PHKB: variants seen among roughly 807,000 people sequenced by gnomAD.
The protein encoded by PHKB is phosphorylase b kinase regulatory subunit beta.
A neutral mutation model predicts 152.1 loss-of-function variants in PHKB; 122 were observed. That is an observed-to-expected ratio of 0.80 (90% CI 0.69 to 0.93). PHKB has a LOEUF of 0.93. Ranked by LOEUF, PHKB falls within the 40% of genes least tolerant of loss-of-function variation. The probability of loss-of-function intolerance (pLI) is 0.00; values close to 1 mark genes in which losing one functional copy is unlikely to be tolerated. For missense variants in PHKB, 1,304 were observed against 1,328.4 expected, an observed-to-expected ratio of 0.98 and a Z score of 0.29; for synonymous variants, 436 against 464.9, an observed-to-expected ratio of 0.94 and a Z score of 0.80.
At position 47,573,889 on chromosome 16, in the gene PHKB, T is replaced by C. The variant is rs556887916; in HGVS notation, c.711-6406T>C. On this transcript the variant is annotated intron_variant, in intron 7 of 30. Transcript: ENST00000323584. ...TAGGATCAGCAATGGCTTCCCTCCA[T>C]CCCTGCTAGGGTGTGGGAGTGCACG... Among the ~76,000 whole-genome samples, 7 of 152,248 alleles carry C rather than the reference T, an allele frequency of 4.6e-5. No homozygotes were observed. In the South Asian group the frequency reaches 1.5e-3, roughly 32 times the overall value.
chr16:47,542,973 C>CTT (rs1188318282), intron 6 of PHKB, among the ~76,000 whole-genome samples: 4 of 152,128 alleles, frequency 2.6e-5, no homozygotes, highest in Non-Finnish European at 2.9e-5. Flanking sequence ...TCCTCTTTTC[C>CTT]TAATTGTATA....
intron 26 of PHKB, chr16:47,675,908 T>C (rs1181209347): frequency 2.0e-5 from 3 of 152,196 alleles, no homozygotes; most frequent in East Asian, 3.9e-4. Context: ...CAGATAACTG[T>C]CATCCTGTCT....
intron 26 of PHKB, among the ~76,000 whole-genome samples, chr16:47,677,874 T>C (rs1429135383): frequency 6.6e-6 from 1 of 151,110 alleles, no homozygotes; most frequent in Non-Finnish European, 1.5e-5. Flanking sequence ...ACCCATTAAC[T>C]CGTCATTTAG....
chr16:47,665,076 GA>G lies in PHKB; in HGVS notation c.2427+104del, dbSNP rs113209247. On this transcript the variant is annotated intron_variant, in intron 25 of 30. Coordinates refer to ENST00000323584, the MANE Select transcript of PHKB (RefSeq NM_000293.3). ...TCTTTTGGTCTTATAGTGTGTGGGTGAAAGCTTCTCTAGAAGTAGGAAGTGT... is the reference window on the plus strand; with the variant it reads ...TCTTTTGGTCTTATAGTGTGTGGGTGAAGCTTCTCTAGAAGTAGGAAGTGT... 5.4e-4 allele frequency: 411 copies of G among 764,424 alleles called. No individual in the cohort carries two copies. The African/African-American group carries it at 5.7e-3, about 11-fold the overall frequency. The allele number at this position is 764,424 out of a possible 1,614,324, so 47.4% of individuals were successfully genotyped here. A position where few individuals can be genotyped will look rare whatever the true frequency, so the allele number is the denominator to read the frequency against.
intron 14 of PHKB, among the ~76,000 whole-genome samples, chr16:47,615,670 C>G (rs1161002131): frequency 1.3e-5 from 2 of 152,252 alleles, no homozygotes; most frequent in Non-Finnish European, 2.9e-5. Context: ...GTGCTGAGGC[C>G]TCTGGCCAGT....
At chr16:47,475,699 A>G (rs954472181) in intron 1 of PHKB, among the ~76,000 whole-genome samples, 1 of 152,200 alleles carries the variant, frequency 6.6e-6, no homozygotes, top group East Asian at 1.9e-4. Context: ...ATTTAAAAAT[A>G]TGTCGTATTT....
rs964498251 is a variant in PHKB, at chr16:47,650,867, A to G, written c.1917A>G (p.Ala639=). 5 of 1,613,780 alleles carry G rather than the reference A, an allele frequency of 3.1e-6. No homozygotes were observed. The highest frequency in any genetic ancestry group is 4.2e-6 in the Non-Finnish European group (5 of 1,179,826). The part of the protein sequence containing the change: ...SRFNPILDML[A]ALKKGIIGGV... ...TCAACCCCATATTAGATATGCTGGC[A>G]GCCCTTAAAAAAGGAATAATTGGAG... is the stretch of plus-strand genomic sequence containing the variant. The change falls in exon 20 of 31, where the codon GCA becomes GCG. Residue 639 remains alanine, a synonymous_variant. Coordinates refer to ENST00000323584, the MANE Select transcript of PHKB (RefSeq NM_000293.3).
chr16:47,649,492 A>C (rs1017210790), intron 18 of PHKB, among the ~76,000 whole-genome samples: 1 of 152,226 alleles, frequency 6.6e-6, no homozygotes, highest in East Asian at 1.9e-4. Context: ...AAATATGTTC[A>C]TATGACAGTT....
chr16:47,473,677 T>G (rs758561233), intron 1 of PHKB, among the ~76,000 whole-genome samples: 28 of 152,078 alleles, frequency 1.8e-4, no homozygotes, highest in Non-Finnish European at 3.7e-4. Context: ...GATGAACAGT[T>G]GTGGTACCTA....
At chr16:47,542,850 T>C (rs1971085681) in intron 6 of PHKB, among the ~76,000 whole-genome samples, 1 of 152,200 alleles carries the variant, frequency 6.6e-6, no homozygotes. Flanking sequence ...ACATTGATTT[T>C]GTATCCTGAG....
At chr16:47,462,896 A>G (rs1195873035) in intron 1 of PHKB, 2 of 152,346 alleles carry the variant, frequency 1.3e-5, no homozygotes, top group Admixed American at 6.5e-5. Flanking sequence ...TAATTTTTTC[A>G]AAAAGTAGTC....
chr16:47,482,824 G>A (rs926544196), intron 1 of PHKB, among the ~76,000 whole-genome samples: 9 of 151,732 alleles, frequency 5.9e-5, no homozygotes, highest in Non-Finnish European at 8.8e-5. Context: ...GGGCTCAAGC[G>A]ATTCTCCCAC....
intron 10 of PHKB, among the ~76,000 whole-genome samples, chr16:47,592,211 A>G (rs969353505): frequency 2.0e-5 from 3 of 152,128 alleles, no homozygotes; most frequent in Non-Finnish European, 1.5e-5. Context: ...TTTTTGCCCT[A>G]CAACTCTCTT....
rs1012687087 is a variant in PHKB, at chr16:47,628,415, C to T, written c.1459-12620C>T. On this transcript the variant is annotated intron_variant, in intron 14 of 30. Transcript: ENST00000323584. Reference sequence around the variant, plus strand: ...GGCGTGGTGGCAGGCACCTGCAGTCCCAGCTACTTGGGAGGCTGAGGCAGG... The same window carrying T: ...GGCGTGGTGGCAGGCACCTGCAGTCTCAGCTACTTGGGAGGCTGAGGCAGG... Among the ~76,000 whole-genome samples the T allele has an allele frequency of 5.3e-5, 8 of 152,078 alleles. No individual in the cohort carries two copies. The East Asian group carries it at 1.5e-3, about 29-fold the overall frequency.
At chr16:47,503,153 T>A in intron 4 of PHKB, 63 bp downstream of exon 4, 1 of 1,058,490 alleles carries the variant, frequency 9.4e-7, no homozygotes, top group Non-Finnish European at 1.5e-6. Context: ...TTAACTAGTA[T>A]CGCAATGGTT....
At chr16:47,653,851 A>G (rs1175488209) in intron 20 of PHKB, among the ~76,000 whole-genome samples, 1 of 152,188 alleles carries the variant, frequency 6.6e-6, no homozygotes, top group Non-Finnish European at 1.5e-5. Flanking sequence ...GTTTATTATA[A>G]TCATGGTAAT....
intron 1 of PHKB, among the ~76,000 whole-genome samples, chr16:47,472,852 A>G (rs1013543227): frequency 5.3e-5 from 8 of 151,554 alleles, no homozygotes; most frequent in African/African-American, 1.9e-4. Context: ...GGCAGGAGGG[A>G]CAGCTTGAGC....
intron 7 of PHKB, among the ~76,000 whole-genome samples, chr16:47,577,759 T>A (rs1357359271): frequency 6.6e-6 from 1 of 152,212 alleles, no homozygotes. Flanking sequence ...TAATGTGTTA[T>A]CTCTGGCTAC....
intron 1 of PHKB, among the ~76,000 whole-genome samples, chr16:47,483,124 C>T (rs558629560): frequency 6.7e-6 from 1 of 148,844 alleles, no homozygotes; most frequent in South Asian, 2.2e-4. Context: ...CTGCAACCTC[C>T]ACCTCCTGGG....
Sources: gnomAD v4.1 joint callset for allele counts (sites outside exome capture counted in the v4.1 genomes callset) on GRCh38, gnomAD v4.1.1 for gene constraint, MANE v1.5 for transcripts, NCBI Gene and HGNC (gene_info 2026-07-23, HGNC 2026-07-21) for gene names.